REEP5: variants seen among roughly 807,000 people sequenced by gnomAD.
REEP5 encodes the protein receptor accessory protein 5, also known as receptor expression-enhancing protein 5.
REEP5 carries 24 observed loss-of-function variants against 22.4 expected under a neutral mutation model. The ratio of observed to expected loss-of-function variants is 1.07; its 90% CI spans 0.78 to 1.51. The LOEUF (loss-of-function observed/expected upper bound fraction) is 1.51, where lower values mean the gene tolerates loss of function less well. REEP5 is among the 40% of genes most tolerant of loss of function. The pLI is 0.00. For missense variants in REEP5, 252 were observed against 233.0 expected (o/e 1.08, Z -0.53); for synonymous variants, 103 against 88.6 (o/e 1.16, Z -0.92).
rs144919741 is a variant in REEP5, at chr5:112,878,822, G to A, written c.534C>T (p.Thr178=). ...DAITKEAKKA[T]VNLLGEEKKS... ...TCTTTTCTTCACCCAGTAAATTCAC[G>A]GTAGCTTTCTTCGCTGTTTGTTTGT... is the stretch of plus-strand genomic sequence containing the variant. Residue 178 remains threonine (T), a synonymous_variant, in exon 5 of 5, where the codon ACC becomes ACT. Coordinates refer to ENST00000379638, the MANE Select transcript of REEP5 (RefSeq NM_005669.5). 5.0e-6 allele frequency: 8 copies of A among 1,613,864 alleles called. No homozygotes were observed. In the Admixed American group the frequency reaches 6.7e-5, roughly 13 times the overall value.
At chr5:112,885,462 G>C (rs888504224) in intron 4 of REEP5, 4 of 198,758 alleles carry the variant, frequency 2.0e-5, no homozygotes, top group African/African-American at 9.5e-5. Flanking sequence ...CGAAAGCCAA[G>C]ATAATTCCAT....
intron 2 of REEP5, among the ~76,000 whole-genome samples, chr5:112,914,593 T>A (rs946790394): frequency 6.6e-6 from 1 of 152,208 alleles, no homozygotes; most frequent in African/African-American, 2.4e-5. Context: ...CAACCCTTTG[T>A]CAATAAAACC....
rs201134686 is a variant in REEP5 at position 112,908,091 on chromosome 5, TTTG to T, written c.213-5576_213-5574del. Among the ~76,000 whole-genome samples, 164 of 91,894 alleles carry T rather than the reference TTTG, an allele frequency of 1.8e-3. 4 individuals are homozygous for T. Among genetic ancestry groups the T allele is most frequent in the African/African-American group, 5.5e-3 (156 of 28,384 alleles). 60.3% of individuals were successfully genotyped at this position (91,894 alleles called of 152,430 possible). A position where few individuals can be genotyped will look rare whatever the true frequency, so the allele number is the denominator to read the frequency against. On this transcript the variant is annotated intron_variant, in intron 2 of 4. Transcript: ENST00000379638. Reference sequence around the variant, plus strand: ...AAAAGAATGAGCATCAGAGACTTTCTTTGTTTTTTGTTTTTTTTTTTTTTTTTT... The same window carrying T: ...AAAAGAATGAGCATCAGAGACTTTCTTTTTTTGTTTTTTTTTTTTTTTTTT...
intron 2 of REEP5, 108 bp downstream of exon 2, chr5:112,921,055 C>T: frequency 9.1e-7 from 1 of 1,093,326 alleles, no homozygotes; most frequent in South Asian, 1.4e-5. Context: ...CCCTCCCCGC[C>T]GAGCTTTCAC....
At chr5:112,917,009 A>T (rs1769246277) in intron 2 of REEP5, among the ~76,000 whole-genome samples, 1 of 152,256 alleles carries the variant, frequency 6.6e-6, no homozygotes, top group Admixed American at 6.5e-5. Flanking sequence ...AACTCTTTAC[A>T]CCAGCAGCAA....
intron 3 of REEP5, chr5:112,894,493 A>G (rs1359590302): frequency 2.0e-5 from 3 of 152,244 alleles, no homozygotes; most frequent in Non-Finnish European, 4.4e-5. Flanking sequence ...ATACATCCCC[A>G]AAATGCAATA....
intron 2 of REEP5, among the ~76,000 whole-genome samples, chr5:112,912,839 A>G (rs1769135532): frequency 1.3e-5 from 2 of 152,236 alleles, no homozygotes; most frequent in East Asian, 1.9e-4. Context: ...AGACATTTTA[A>G]GACATAAACA....
chr5:112,887,653 C>T (rs17135108), intron 3 of REEP5, among the ~76,000 whole-genome samples: 5,292 of 152,186 alleles, frequency 0.035, 217 homozygotes, highest in East Asian at 0.16. Flanking sequence ...TTGTCCATTC[C>T]TGAATTCTTC....
rs112454645 is a variant in REEP5 at position 112,908,090 on chromosome 5, C to T, written c.213-5572G>A. Reference sequence around the variant, plus strand: ...GAAAAGAATGAGCATCAGAGACTTTCTTTGTTTTTTGTTTTTTTTTTTTTT... The same window carrying T: ...GAAAAGAATGAGCATCAGAGACTTTTTTTGTTTTTTGTTTTTTTTTTTTTT... On this transcript the variant is annotated intron_variant, in intron 2 of 4. Coordinates refer to ENST00000379638, the MANE Select transcript of REEP5 (RefSeq NM_005669.5). 5.4e-3 allele frequency among the ~76,000 whole-genome samples: 643 copies of T among 119,414 alleles called. 35 individuals are homozygous for T. Among genetic ancestry groups the T allele is most frequent in the Non-Finnish European group, 6.2e-3 (388 of 62,402 alleles). The allele number at this position is 119,414 out of a possible 152,430, so 78.3% of individuals were successfully genotyped here. A position where few individuals can be genotyped will look rare whatever the true frequency, so the allele number is the denominator to read the frequency against.
chr5:112,902,436 C>T lies in REEP5; in HGVS notation c.295G>A (p.Ala99Thr). 6.2e-7 allele frequency: 1 copy of T among 1,613,176 alleles called. No individual in the cohort carries two copies. The highest frequency in any genetic ancestry group is 8.5e-7 in the Non-Finnish European group (1 of 1,179,714). Residue 99 changes from alanine (A) to threonine (T), a missense_variant, in exon 3 of 5, where the codon GCT (alanine) becomes ACT (threonine). Ala to Thr is a moderately conservative substitution (Grantham distance 58). Coordinates refer to ENST00000379638, the MANE Select transcript of REEP5 (RefSeq NM_005669.5). ...YWVVYGVFSIAEFFSDIFLSW... is the reference protein window; with the variant it reads ...YWVVYGVFSITEFFSDIFLSW... ...AGGAAGATATCAGAGAAGAATTCAG[C>T]AATGCTGAACACACCATACACTACC...
At chr5:112,912,734 G>C (rs1769132872) in intron 2 of REEP5, among the ~76,000 whole-genome samples, 1 of 152,052 alleles carries the variant, frequency 6.6e-6, no homozygotes, top group Non-Finnish European at 1.5e-5. Context: ...GATTGCTTTT[G>C]GCTGTATTTA....
chr5:112,902,245 C>G lies in REEP5; in HGVS notation c.351+135G>C, dbSNP rs1768867763. On this transcript the variant is annotated intron_variant, in intron 3 of 4. Transcript: ENST00000379638. Reference sequence around the variant, plus strand: ...TTTTGTTTTTTTTGAGACAGAGTCTCGCTCTGTTGCCCAGGCCTGTCTTCT... The same window carrying G: ...TTTTGTTTTTTTTGAGACAGAGTCTGGCTCTGTTGCCCAGGCCTGTCTTCT... The G allele has an allele frequency of 7.7e-6, 7 of 913,288 alleles. No homozygotes were observed. In the East Asian group the frequency reaches 2.1e-4, roughly 27 times the overall value. 56.6% of individuals were successfully genotyped at this position (913,288 alleles called of 1,614,324 possible).
chr5:112,916,216 G>A lies in REEP5; in HGVS notation c.212+4947C>T, dbSNP rs180927695. On this transcript the variant is annotated intron_variant, in intron 2 of 4. Transcript: ENST00000379638. ...AGAGGATGCTGTTGCTTTTACTTGT[G>A]GTTAACTGTGTTACAACTCTTGTAG... Among the ~76,000 whole-genome samples, 466 of 152,164 alleles carry A rather than the reference G, an allele frequency of 3.1e-3. 15 individuals carry two copies. The highest frequency in any genetic ancestry group is 1.7e-3 in the Non-Finnish European group (116 of 68,006).
At chr5:112,887,990 A>G (rs540809134) in intron 3 of REEP5, among the ~76,000 whole-genome samples, 1 of 152,352 alleles carries the variant, frequency 6.6e-6, no homozygotes, top group Admixed American at 6.5e-5. Context: ...CCATTTCCCT[A>G]GAAAGTTTAA....
At chr5:112,884,368 C>G (rs1768167220) in intron 4 of REEP5, among the ~76,000 whole-genome samples, 1 of 151,744 alleles carries the variant, frequency 6.6e-6, no homozygotes. Flanking sequence ...CCCCATGGTT[C>G]CTTCTTTTAC....
chr5:112,882,721 G>C (rs1448828348), intron 4 of REEP5, among the ~76,000 whole-genome samples: 1 of 152,190 alleles, frequency 6.6e-6, no homozygotes, highest in Admixed American at 6.5e-5. Context: ...AGCTGCAACA[G>C]AGACATGATA....
intron 2 of REEP5, among the ~76,000 whole-genome samples, chr5:112,904,706 A>C (rs1768917697): frequency 6.6e-6 from 1 of 152,220 alleles, no homozygotes; most frequent in Non-Finnish European, 1.5e-5. Flanking sequence ...ATAAACTTAA[A>C]TAGATATTTC....
chr5:112,919,287 C>G (rs1016049526), intron 2 of REEP5, among the ~76,000 whole-genome samples: 8 of 152,136 alleles, frequency 5.3e-5, no homozygotes, highest in African/African-American at 1.9e-4. Flanking sequence ...GTAGCTCACG[C>G]CTGTAATCCC....
chr5:112,910,222 G>C (rs913115811), intron 2 of REEP5, among the ~76,000 whole-genome samples: 2 of 152,186 alleles, frequency 1.3e-5, no homozygotes, highest in Admixed American at 1.3e-4. Flanking sequence ...AGAATTACTT[G>C]AACCCGGGAG....
Sources: gnomAD v4.1 joint callset for allele counts (sites outside exome capture counted in the v4.1 genomes callset) on GRCh38, gnomAD v4.1.1 for gene constraint, MANE v1.5 for transcripts, NCBI Gene and HGNC (gene_info 2026-07-23, HGNC 2026-07-21) for gene names.